PHF24: variants seen among roughly 807,000 people sequenced by gnomAD.
The protein encoded by PHF24 is Galpha inhibitory interacting protein.
A neutral mutation model predicts 42.6 loss-of-function variants in PHF24; 25 were observed. That is an observed-to-expected ratio of 0.59 (90% CI 0.43 to 0.82). PHF24 has a LOEUF of 0.82. Among genes scored for constraint, PHF24 ranks in the 40% least tolerant of loss-of-function variants. The pLI, the probability that PHF24 is intolerant of heterozygous loss-of-function variation, is 0.00. For synonymous variants in PHF24, 185 were observed against 204.8 expected, an observed-to-expected ratio of 0.90 and a Z score of 0.83; for missense variants, 470 against 538.1, an observed-to-expected ratio of 0.87 and a Z score of 1.25.
the PHF24 span, among the ~76,000 whole-genome samples, chr9:34,938,087 C>G: frequency 6.6e-6 from 1 of 152,260 alleles, no homozygotes; most frequent in East Asian, 1.9e-4. Flanking sequence ...GATTTTCATT[C>G]CAGTGTGTTA....
the PHF24 span, among the ~76,000 whole-genome samples, chr9:34,847,618 C>A: frequency 6.6e-6 from 1 of 151,740 alleles, no homozygotes; most frequent in Non-Finnish European, 1.5e-5. Context: ...ATTGCCCTGG[C>A]CAGAACTTCC....
the PHF24 span, chr9:34,723,626 C>T: frequency 6.4e-7 from 1 of 1,551,764 alleles, no homozygotes; most frequent in Non-Finnish European, 8.7e-7. Context: ...CTCTGTAAGG[C>T]TGGGCTTCTT....
At chr9:34,711,421 C>T in the PHF24 span, among the ~76,000 whole-genome samples, 118 of 151,754 alleles carry the variant, frequency 7.8e-4, no homozygotes, top group African/African-American at 2.6e-3. Flanking sequence ...TTTGTAGACA[C>T]GAGGTCTCAC....
the PHF24 span, among the ~76,000 whole-genome samples, chr9:34,935,878 G>C: frequency 1.3e-5 from 2 of 151,880 alleles, no homozygotes; most frequent in Non-Finnish European, 2.9e-5. Context: ...GAAAAAAGAG[G>C]TTAAATTGGG....
At chr9:34,889,499 G>GT in the PHF24 span, 3 of 398,488 alleles carry the variant, frequency 7.5e-6, no homozygotes, top group African/African-American at 4.1e-5. Context: ...TCTTCTCAAT[G>GT]TTTTTTGTCC....
chr9:34,901,058 T>A, the PHF24 span, among the ~76,000 whole-genome samples: 5,932 of 152,254 alleles, frequency 0.039, 309 homozygotes, highest in African/African-American at 0.12. Context: ...TTATATCCAT[T>A]TAAAGAAATT....
the PHF24 span, among the ~76,000 whole-genome samples, chr9:34,779,657 T>A: frequency 6.6e-6 from 1 of 152,176 alleles, no homozygotes; most frequent in African/African-American, 2.4e-5. Context: ...ACTGGCATAG[T>A]AGACATATAG....
At chr9:34,837,367 C>T in the PHF24 span, 1 of 386,568 alleles carries the variant, frequency 2.6e-6, no homozygotes, top group Non-Finnish European at 4.9e-6. Context: ...CATGTTATGG[C>T]AAACAAGACT....
chr9:34,697,935 A>G, the PHF24 span, among the ~76,000 whole-genome samples: 1 of 152,160 alleles, frequency 6.6e-6, no homozygotes. Context: ...GACAGATGTT[A>G]CCACCTAACC....
intron 1 of PHF24, among the ~76,000 whole-genome samples, chr9:34,968,802 G>A (rs536538812): frequency 6.6e-6 from 1 of 152,328 alleles, no homozygotes; most frequent in African/African-American, 2.4e-5. Context: ...CAGACACATT[G>A]CTAGGCAGTG....
the PHF24 span, among the ~76,000 whole-genome samples, chr9:34,846,325 T>C: frequency 6.6e-6 from 1 of 152,094 alleles, no homozygotes; most frequent in Non-Finnish European, 1.5e-5. Context: ...ATTGTGGTTT[T>C]GATTTGCATT....
At position 34,971,618 on chromosome 9, in the gene PHF24, C is replaced by T. The variant is rs374896020; in HGVS notation, c.320C>T (p.Pro107Leu). ...TTCACACCCCCTGCGTTCATCCGCC[C>T]CACCCGGAAGCTGGATGATGACAAA... Residue 107 changes from proline to leucine, a missense_variant, in exon 2 of 8, where the codon CCC (proline) becomes CTC (leucine). Transcript: ENST00000242315. 3 of 1,613,924 alleles carry T rather than the reference C, an allele frequency of 1.9e-6. No individual in the cohort carries two copies. The highest frequency in any genetic ancestry group is 1.6e-4 in the Middle Eastern group (1 of 6,062).
At chr9:34,669,409 A>T in the PHF24 span, among the ~76,000 whole-genome samples, 1 of 151,964 alleles carries the variant, frequency 6.6e-6, no homozygotes, top group Non-Finnish European at 1.5e-5. Flanking sequence ...ATATGCTGAG[A>T]AGAGGAGTGT....
chr9:34,821,879 C>G, the PHF24 span, among the ~76,000 whole-genome samples: 1 of 152,058 alleles, frequency 6.6e-6, no homozygotes, highest in Non-Finnish European at 1.5e-5. Flanking sequence ...TCTTAACCAG[C>G]TCTCATACTC....
the PHF24 span, among the ~76,000 whole-genome samples, chr9:34,923,379 T>G: frequency 1.3e-5 from 2 of 152,154 alleles, no homozygotes; most frequent in Non-Finnish European, 2.9e-5. Flanking sequence ...TTGTATTTTT[T>G]GGAATAGTCT....
chr9:34,965,862 A>T (rs76666564), intron 1 of PHF24, among the ~76,000 whole-genome samples: 5,636 of 152,322 alleles, frequency 0.037, 156 homozygotes, highest in Non-Finnish European at 0.06. Flanking sequence ...CCTCTAATGA[A>T]TCGTTCTTGA....
At chr9:34,796,565 A>C in the PHF24 span, among the ~76,000 whole-genome samples, 2 of 152,234 alleles carry the variant, frequency 1.3e-5, no homozygotes, top group African/African-American at 4.8e-5. Flanking sequence ...TCAAAAAGAC[A>C]CTTCACCAAA....
the PHF24 span, among the ~76,000 whole-genome samples, chr9:34,933,485 G>A: frequency 6.6e-6 from 1 of 152,078 alleles, no homozygotes; most frequent in South Asian, 2.1e-4. Flanking sequence ...AGCACTTTGG[G>A]AGGCCGAGGT....
At chr9:34,937,112 A>C in the PHF24 span, among the ~76,000 whole-genome samples, 1 of 151,174 alleles carries the variant, frequency 6.6e-6, no homozygotes, top group Non-Finnish European at 1.5e-5. Flanking sequence ...GGAAGTGAGG[A>C]GCCCCTCTGC....
Sources: gnomAD v4.1 joint callset for allele counts (sites outside exome capture counted in the v4.1 genomes callset) on GRCh38, gnomAD v4.1.1 for gene constraint, MANE v1.5 for transcripts, NCBI Gene and HGNC (gene_info 2026-07-23, HGNC 2026-07-21) for gene names.